FRMPD4: variants seen among roughly 807,000 people sequenced by gnomAD.
The protein encoded by FRMPD4 is FERM and PDZ domain containing 4.
In FRMPD4, 22 loss-of-function variants were observed where a neutral mutation model predicts 94.1. The observed-to-expected ratio is 0.23, with a 90% CI of 0.17 to 0.33. The LOEUF (loss-of-function observed/expected upper bound fraction) is 0.33. Among genes scored for constraint, FRMPD4 ranks in the 10% least tolerant of loss-of-function variants. The pLI is 1.00. For synonymous variants in FRMPD4, 631 were observed against 548.6 expected, an observed-to-expected ratio of 1.15 and a Z score of -2.10; for missense variants, 1,111 against 1,339.9, an observed-to-expected ratio of 0.83 and a Z score of 2.67.
intron 3 of FRMPD4, among the ~76,000 whole-genome samples, chrX:12,040,545 A>G (rs1413037733): frequency 9.7e-5 from 7 of 71,862 alleles, no homozygotes; most frequent in African/African-American, 3.7e-4. Flanking sequence ...AGTTGGATTT[A>G]TGTCTGCCTT....
At chrX:12,275,642 G>A (rs1182455972) in intron 1 of FRMPD4, among the ~76,000 whole-genome samples, 4 of 108,987 alleles carry the variant, frequency 3.7e-5, no homozygotes, top group African/African-American at 1.3e-4. Flanking sequence ...AGGGGGAAGG[G>A]CATCAGGACA....
At chrX:12,335,396 G>A (rs2055501523) in intron 1 of FRMPD4, among the ~76,000 whole-genome samples, 1 of 111,846 alleles carries the variant, frequency 8.9e-6, no homozygotes, top group Non-Finnish European at 1.9e-5. Flanking sequence ...CCACAGTGCT[G>A]GGATTACAGG....
chrX:12,332,758 G>A (rs962229838), intron 1 of FRMPD4, among the ~76,000 whole-genome samples: 12 of 111,452 alleles, frequency 1.1e-4, no homozygotes, highest in African/African-American at 2.9e-4. Flanking sequence ...ACTTAGCAAC[G>A]TAATTTAACG....
At chrX:12,608,860 T>C (rs2059154172) in intron 2 of FRMPD4, among the ~76,000 whole-genome samples, 2 of 111,361 alleles carry the variant, frequency 1.8e-5, no homozygotes, top group South Asian at 7.6e-4. Context: ...AAAATAACCA[T>C]AAAATTAAGT....
chrX:12,514,075 G>A (rs1027331186), intron 2 of FRMPD4, among the ~76,000 whole-genome samples: 3 of 111,893 alleles, frequency 2.7e-5, no homozygotes, highest in East Asian at 2.8e-4. Flanking sequence ...TTTGTATCCT[G>A]AGACTTTGCT....
At chrX:12,041,591 CT>C (rs1421148395) in intron 3 of FRMPD4, among the ~76,000 whole-genome samples, 1 of 108,260 alleles carries the variant, frequency 9.2e-6, no homozygotes, top group Non-Finnish European at 1.9e-5. Flanking sequence ...TTCTCTTTGT[CT>C]TTGGCTTTTA....
At chrX:12,594,540 G>A (rs918737950) in intron 2 of FRMPD4, among the ~76,000 whole-genome samples, 66 of 110,358 alleles carry the variant, frequency 6.0e-4, no homozygotes, top group African/African-American at 8.2e-4. Context: ...GGTTCACACC[G>A]TTCTCCTGCC....
chrX:12,258,879 C>T (rs1489061354), intron 1 of FRMPD4, among the ~76,000 whole-genome samples: 1 of 111,147 alleles, frequency 9.0e-6, no homozygotes, highest in Non-Finnish European at 1.9e-5. Flanking sequence ...ACTCTAGTCT[C>T]CCTACTGTAC....
rs775659412 is a variant in FRMPD4 at position 12,151,338 on chromosome X, G to A, written c.41+12326G>A. Among the ~76,000 whole-genome samples the A allele has an allele frequency of 2.7e-5, 3 of 111,492 alleles. No homozygotes were observed. The South Asian group carries it at 1.1e-3, about 42-fold the overall frequency. On this transcript the variant is annotated intron_variant, in intron 1 of 16. Coordinates refer to ENST00000675598, the MANE Select transcript of FRMPD4 (RefSeq NM_001368397.1). ...GGTAGTTCAGAGGGTTATACGTGAG[G>A]GGGTGGGGTGCACAAGGACATGAGT...
chrX:12,323,886 G>A (rs1479435249), intron 1 of FRMPD4, among the ~76,000 whole-genome samples: 4 of 111,617 alleles, frequency 3.6e-5, no homozygotes, highest in East Asian at 5.7e-4. Flanking sequence ...GAGCAGGATC[G>A]GTTGCTATAA....
At chrX:11,891,836 A>G (rs1019682649) in intron 3 of FRMPD4, among the ~76,000 whole-genome samples, 15 of 112,462 alleles carry the variant, frequency 1.3e-4, no homozygotes, top group Non-Finnish European at 1.9e-5. Context: ...ATTTAGTAGT[A>G]TCAAAATTAT....
chrX:11,994,596 T>A (rs1466884968), intron 3 of FRMPD4, among the ~76,000 whole-genome samples: 1 of 111,764 alleles, frequency 8.9e-6, no homozygotes, highest in Non-Finnish European at 1.9e-5. Flanking sequence ...ATGGAGTCTG[T>A]TAAGTTTGTC....
At chrX:12,440,876 T>C (rs1366417298) in intron 1 of FRMPD4, among the ~76,000 whole-genome samples, 1 of 99,273 alleles carries the variant, frequency 1.0e-5, no homozygotes, top group Admixed American at 9.9e-5. Flanking sequence ...ACCAAAGAGA[T>C]AGATAGTGAA....
chrX:12,177,505 C>T (rs6640928), intron 1 of FRMPD4, among the ~76,000 whole-genome samples: 13,950 of 111,833 alleles, frequency 0.12, 1,253 homozygotes, highest in East Asian at 0.6. Context: ...ATGAAGGTTA[C>T]TGCTTATATA....
chrX:11,920,147 G>A (rs2054047165), intron 3 of FRMPD4, among the ~76,000 whole-genome samples: 1 of 111,476 alleles, frequency 9.0e-6, no homozygotes, highest in Non-Finnish European at 1.9e-5. Flanking sequence ...TTTATTCTGG[G>A]CCGTTGAGAT....
At chrX:12,174,351 T>C (rs778820392) in intron 1 of FRMPD4, among the ~76,000 whole-genome samples, 4 of 112,263 alleles carry the variant, frequency 3.6e-5, no homozygotes, top group African/African-American at 9.7e-5. Context: ...AAACAGGTGA[T>C]AGGCCAGATT....
chrX:11,828,761 T>C (rs939106902), intron 1 of FRMPD4, among the ~76,000 whole-genome samples: 4 of 112,094 alleles, frequency 3.6e-5, no homozygotes, highest in Non-Finnish European at 7.5e-5. Flanking sequence ...CACCACAGAA[T>C]GGATATGAAG....
intron 2 of FRMPD4, among the ~76,000 whole-genome samples, chrX:12,561,188 A>G (rs2058656531): frequency 8.9e-6 from 1 of 112,196 alleles, no homozygotes; most frequent in South Asian, 3.7e-4. Flanking sequence ...AAATGTCTAA[A>G]CATCTCTCCA....
intron 3 of FRMPD4, among the ~76,000 whole-genome samples, chrX:11,982,399 T>A (rs1379756460): frequency 9.0e-6 from 1 of 111,233 alleles, no homozygotes; most frequent in African/African-American, 3.3e-5. Context: ...GATTTCTTCT[T>A]ATTTATTCTG....
Sources: allele counts gnomAD v4.1 joint callset (sites outside exome capture counted in the v4.1 genomes callset), GRCh38; gene constraint gnomAD v4.1.1; transcripts MANE v1.5; gene names NCBI Gene and HGNC (gene_info 2026-07-23, HGNC 2026-07-21).